CSMD2: variants seen among roughly 807,000 people sequenced by gnomAD.
The protein encoded by CSMD2 is CUB and sushi domain-containing protein 2.
Under a neutral mutation model 398.5 loss-of-function variants are expected in CSMD2, and 130 were observed. The ratio of observed to expected loss-of-function variants is 0.33; its 90% CI spans 0.28 to 0.38. The LOEUF (loss-of-function observed/expected upper bound fraction) is 0.38, where lower values mean the gene tolerates loss of function less well. Among genes scored for constraint, CSMD2 ranks in the 10% least tolerant of loss-of-function variants. CSMD2 has a pLI of 1.00. For missense variants in CSMD2, 3,829 were observed against 4,764.9 expected (o/e 0.80, Z 5.78); for synonymous variants, 1,828 against 1,908.5 (o/e 0.96, Z 1.10).
intron 64 of CSMD2, 62 bp downstream of exon 64, chr1:33,532,988 C>G: frequency 6.9e-7 from 1 of 1,452,724 alleles, no homozygotes; most frequent in Admixed American, 2.2e-5. Flanking sequence ...TCTTTCAGCT[C>G]AAGTTCAGCC....
chr1:33,950,383 C>CAGAG (rs3045848), intron 3 of CSMD2, among the ~76,000 whole-genome samples: 4,091 of 133,768 alleles, frequency 0.031, 66 homozygotes, highest in Middle Eastern at 0.053. Flanking sequence ...TCTCCTCCAG[C>CAGAG]AGAGAGAGAG....
At position 33,724,275 on chromosome 1, in the gene CSMD2, T is replaced by C. The variant is rs377471391; in HGVS notation, c.2923A>G (p.Ile975Val). 2.5e-6 allele frequency: 4 copies of C among 1,613,958 alleles called. No individual in the cohort carries two copies. Among genetic ancestry groups the C allele is most frequent in the East Asian group, 2.2e-5 (1 of 44,882 alleles). ...AAGTCAGGGAACCCTGGCGACAAGA[T>C]GGTCCCACTGGAGCCTTGAATGAAG... ...GGFIQGSSGT[I>V]LSPGFPDFYP... Residue 975 changes from isoleucine to valine, a missense_variant, in exon 19 of 71, where the codon ATC becomes GTC. Transcript: ENST00000373381.
intron 1 of CSMD2, among the ~76,000 whole-genome samples, chr1:34,132,238 C>T (rs1407524558): frequency 2.0e-5 from 3 of 152,076 alleles, no homozygotes; most frequent in Non-Finnish European, 4.4e-5. Context: ...AGACCTGTGG[C>T]ACCTCGTCCT....
chr1:33,662,825 C>T, intron 26 of CSMD2, 65 bp downstream of exon 26: 1 of 1,408,660 alleles, frequency 7.1e-7, no homozygotes, highest in Non-Finnish European at 1.0e-6. Context: ...AAGTGAGGGC[C>T]AGAGGAAGGT....
At chr1:33,552,738 C>G (rs2148635385) in intron 55 of CSMD2, among the ~76,000 whole-genome samples, 2 of 152,168 alleles carry the variant, frequency 1.3e-5, no homozygotes, top group South Asian at 4.2e-4. Flanking sequence ...GGTAAATCCA[C>G]AGAGACAGAA....
intron 27 of CSMD2, among the ~76,000 whole-genome samples, chr1:33,655,530 G>A (rs1643921690): frequency 6.6e-6 from 1 of 152,196 alleles, no homozygotes; most frequent in Non-Finnish European, 1.5e-5. Flanking sequence ...AGCTTGCTGT[G>A]GTGAAGGCAG....
At chr1:33,574,732 AGAG>A (rs1432882368) in intron 49 of CSMD2, among the ~76,000 whole-genome samples, 1 of 152,234 alleles carries the variant, frequency 6.6e-6, no homozygotes, top group Non-Finnish European at 1.5e-5. Context: ...ACTTTCCAGA[AGAG>A]GAGGATCAGG....
intron 1 of CSMD2, among the ~76,000 whole-genome samples, chr1:34,105,180 T>G (rs959909294): frequency 6.6e-6 from 1 of 152,238 alleles, no homozygotes; most frequent in African/African-American, 2.4e-5. Flanking sequence ...TCTGTGAATG[T>G]GCAGTAGTCT....
At chr1:34,132,957 C>A (rs1445729856) in intron 1 of CSMD2, among the ~76,000 whole-genome samples, 1 of 142,562 alleles carries the variant, frequency 7.0e-6, no homozygotes. Flanking sequence ...CACAAACACA[C>A]ACACACACCT....
intron 25 of CSMD2, among the ~76,000 whole-genome samples, chr1:33,665,340 T>C (rs1644271766): frequency 1.3e-5 from 2 of 152,064 alleles, no homozygotes; most frequent in African/African-American, 4.8e-5. Flanking sequence ...CCTTTAAGGA[T>C]ACTGGATGTC....
At chr1:33,875,234 G>A (rs900183226) in intron 5 of CSMD2, among the ~76,000 whole-genome samples, 1 of 152,162 alleles carries the variant, frequency 6.6e-6, no homozygotes, top group Non-Finnish European at 1.5e-5. Flanking sequence ...AATGCAAAAA[G>A]AGAATGCTTC....
chr1:33,924,782 T>G lies in CSMD2; in HGVS notation c.713-6481A>C, dbSNP rs1231870469. Among the ~76,000 whole-genome samples, 4 of 152,360 alleles carry G rather than the reference T, an allele frequency of 2.6e-5. No individual in the cohort carries two copies. In the South Asian group the frequency reaches 8.3e-4, roughly 32 times the overall value. On this transcript the variant is annotated intron_variant, in intron 4 of 70. Transcript: ENST00000373381. ...ACTGTGATTTTGACTTGCACCTCCC[T>G]GATGATCAGAGATGTTGAACATTTT...
chr1:33,624,481 C>A lies in CSMD2; in HGVS notation c.5625+38G>T. The stretch of plus-strand genomic sequence containing the variant: ...CTGTGAGCTGTTACCTGGGAGCAGA[C>A]GGCCACCTGCCCGACCGAGGCGCCC... On this transcript the variant is annotated intron_variant, in intron 35 of 70. Transcript: ENST00000373381. This position sits in a 1 kb window ranked among gnomAD's most constrained non-coding sequence, Gnocchi z 4.7. The A allele has an allele frequency of 1.2e-6, 2 of 1,606,886 alleles. No individual in the cohort carries two copies. The highest frequency in any genetic ancestry group is 1.7e-6 in the Non-Finnish European group (2 of 1,176,074).
chr1:33,539,523 C>T (rs999052409), intron 60 of CSMD2, among the ~76,000 whole-genome samples: 1 of 152,134 alleles, frequency 6.6e-6, no homozygotes, highest in African/African-American at 2.4e-5. Flanking sequence ...TGAGCCAATA[C>T]CAGTTCTAGA....
At chr1:33,932,656 C>T (rs974618457) in intron 4 of CSMD2, among the ~76,000 whole-genome samples, 10 of 152,114 alleles carry the variant, frequency 6.6e-5, no homozygotes, top group African/African-American at 2.4e-4. Context: ...ATGAAGACAT[C>T]CAAGAGGTAG....
chr1:33,740,086 A>G (rs1647006874), intron 14 of CSMD2, among the ~76,000 whole-genome samples: 1 of 152,182 alleles, frequency 6.6e-6, no homozygotes, highest in Non-Finnish European at 1.5e-5. Context: ...GATAGAAATA[A>G]AATGAAAGTT....
At chr1:34,056,112 G>A (rs1367702163) in intron 2 of CSMD2, among the ~76,000 whole-genome samples, 2 of 152,170 alleles carry the variant, frequency 1.3e-5, no homozygotes, top group African/African-American at 4.8e-5. Context: ...ACTCGCTTCA[G>A]CTCCTTTACA....
intron 22 of CSMD2, among the ~76,000 whole-genome samples, chr1:33,704,720 C>T (rs1286906818): frequency 1.3e-5 from 2 of 152,174 alleles, no homozygotes; most frequent in African/African-American, 2.4e-5. Flanking sequence ...AATTTTGACA[C>T]ATCCTCACAT....
chr1:33,895,637 G>A (rs1642334185), intron 5 of CSMD2, among the ~76,000 whole-genome samples: 2 of 152,148 alleles, frequency 1.3e-5, no homozygotes, highest in South Asian at 4.2e-4. Context: ...AGAGGCAGGG[G>A]GACTTGGTGC....
Sources: gnomAD v4.1 joint callset for allele counts (sites outside exome capture counted in the v4.1 genomes callset) on GRCh38, gnomAD v4.1.1 for gene constraint, Gnocchi (gnomAD v3.1) non-coding constraint, MANE v1.5 for transcripts, NCBI Gene and HGNC (gene_info 2026-07-23, HGNC 2026-07-21) for gene names.